Variants in IQSEC3 observed in about 807,000 individuals in gnomAD.
The protein encoded by IQSEC3 is IQ motif and Sec7 domain ArfGEF 3.
In IQSEC3, 50 loss-of-function variants were observed where a neutral mutation model predicts 105.4. That is an observed-to-expected ratio of 0.47 (90% confidence interval 0.38 to 0.60). The LOEUF (loss-of-function observed/expected upper bound fraction) is 0.60. IQSEC3 is among the 20% of genes least tolerant of loss of function. IQSEC3 has a pLI of 0.00. For synonymous variants in IQSEC3, 708 were observed against 746.0 expected, an observed-to-expected ratio of 0.95 and a Z score of 0.83; for missense variants, 1,415 against 1,630.0, an observed-to-expected ratio of 0.87 and a Z score of 2.27.
At chr12:104,232 AC>A (rs1864564023) in intron 2 of IQSEC3, among the ~76,000 whole-genome samples, 1 of 152,116 alleles carries the variant, frequency 6.6e-6, no homozygotes, top group African/African-American at 2.4e-5. Flanking sequence ...CCGAGGGACC[AC>A]TGCTAATTAT....
chr12:143,932 G>C (rs1866150510), intron 5 of IQSEC3: 1 of 154,720 alleles, frequency 6.5e-6, no homozygotes, highest in African/African-American at 2.4e-5. Context: ...GAGGTGAGAA[G>C]CAGGAGCATG....
chr12:166,729 C>T (rs1312840539), intron 11 of IQSEC3: 5 of 152,286 alleles, frequency 3.3e-5, no homozygotes, highest in Admixed American at 6.5e-5. Context: ...GTCCATTAGG[C>T]GCTAGGAAAG....
intron 13 of IQSEC3, among the ~76,000 whole-genome samples, 171 bp from the exon 14 acceptor site, chr12:174,428 G>C (rs940736584): frequency 3.2e-4 from 49 of 152,222 alleles, no homozygotes; most frequent in African/African-American, 1.1e-3. Flanking sequence ...CTCCCCCCTG[G>C]GCAAAAGCCA....
chr12:174,362 G>C (rs1032608736), intron 13 of IQSEC3, among the ~76,000 whole-genome samples: 1 of 152,104 alleles, frequency 6.6e-6, no homozygotes. Flanking sequence ...GACTGAGGCC[G>C]TACAGCGACA....
At chr12:165,953 CT>C (rs1591753026) in intron 11 of IQSEC3, 63 bp downstream of exon 11, 4 of 1,569,660 alleles carry the variant, frequency 2.5e-6, no homozygotes, top group Non-Finnish European at 3.5e-6. Flanking sequence ...ACAGGGGCAG[CT>C]TGAGACAGAC....
intron 3 of IQSEC3, among the ~76,000 whole-genome samples, chr12:131,154 G>A (rs1338618741): frequency 2.6e-5 from 4 of 151,936 alleles, no homozygotes; most frequent in Admixed American, 6.6e-5. Context: ...TGAAAGAAGG[G>A]GGCACGTTCT....
At chr12:139,600 A>C in intron 4 of IQSEC3, 1 of 415,636 alleles carries the variant, frequency 2.4e-6, no homozygotes, top group Admixed American at 4.0e-5. Context: ...CATCAGACAC[A>C]TGCTTTCACA....
At position 99,234 on chromosome 12, in the gene IQSEC3, C is replaced by T. The variant is rs1555075509; in HGVS notation, c.623+20C>T. The T allele has an allele frequency of 2.5e-6, 4 of 1,594,436 alleles. No individual in the cohort carries two copies. Among genetic ancestry groups the T allele is most frequent in the Non-Finnish European group, 2.5e-6 (3 of 1,177,398 alleles). The stretch of plus-strand genomic sequence containing the variant: ...CCAAAGGTGGGAACTGTGGCCCTTC[C>T]TCCCTTCCGCATCCCCACCTTCCTT... On this transcript the variant is annotated intron_variant, in intron 2 of 13. Coordinates refer to ENST00000538872, the MANE Select transcript of IQSEC3 (RefSeq NM_001170738.2).
At chr12:161,852 T>C (rs1233671948) in intron 7 of IQSEC3, 74 bp from the exon 8 acceptor site, 2 of 1,488,196 alleles carry the variant, frequency 1.3e-6, no homozygotes, top group East Asian at 4.9e-5. Flanking sequence ...TGGGGGTCTC[T>C]TCTGTCTGGC....
chr12:91,453 C>T (rs111949902), intron 1 of IQSEC3, among the ~76,000 whole-genome samples: 2 of 152,034 alleles, frequency 1.3e-5, no homozygotes, highest in Non-Finnish European at 2.9e-5. Context: ...CCTCTGGCAG[C>T]GCTACTCCCC....
At chr12:107,402 C>CTTTTTT (rs58053657) in intron 2 of IQSEC3, among the ~76,000 whole-genome samples, 125 of 75,978 alleles carry the variant, frequency 1.6e-3, no homozygotes, top group East Asian at 2.1e-3. Context: ...AGTCTGTTTT[C>CTTTTTT]TTTTTTTTTT....
rs1274414473 is a variant in IQSEC3 at position 119,198 on chromosome 12, C to T, written c.624-6435C>T. Among the ~76,000 whole-genome samples, 10 of 152,070 alleles carry T rather than the reference C, an allele frequency of 6.6e-5. No homozygotes were observed. In the East Asian group the frequency reaches 1.3e-3, roughly 21 times the overall value. ...CTCTCTTCCGTTTGCGTGAGGATTC[C>T]GTCAGTGCCAAGGATGAAGATGACC... On this transcript the variant is annotated intron_variant, in intron 2 of 13. Coordinates refer to ENST00000538872, the MANE Select transcript of IQSEC3 (RefSeq NM_001170738.2).
chr12:141,322 C>T, intron 5 of IQSEC3, 37 bp downstream of exon 5: 2 of 1,592,046 alleles, frequency 1.3e-6, no homozygotes, highest in Non-Finnish European at 1.7e-6. Flanking sequence ...CCCACTCCTT[C>T]CCACACCCCA....
At position 125,713 on chromosome 12, in the gene IQSEC3, G is replaced by C. The variant is rs1232078649; in HGVS notation, c.704G>C (p.Ser235Thr). 1 of 1,536,412 alleles carries C rather than the reference G, an allele frequency of 6.5e-7. No homozygotes were observed. Among genetic ancestry groups the C allele is most frequent in the Non-Finnish European group, 8.7e-7 (1 of 1,152,078 alleles). ...GCGGCGGTGGCAGCCGGCAGACCCA[G>C]TGCCCATGCCCCGAAGGCTCAAGCC... ...AAAAVAAGRP[S>T]AHAPKAQAQE... Residue 235 changes from serine to threonine, a missense_variant, in exon 3 of 14, where the codon AGT (serine) becomes ACT (threonine). Physicochemically the swap from Ser to Thr is moderately conservative, Grantham distance 58. This residue lies in a region of IQSEC3 where 720 missense variants were observed against 633.0 expected (regional missense o/e 1.14). Coordinates refer to ENST00000538872, the MANE Select transcript of IQSEC3 (RefSeq NM_001170738.2).
rs564969431 is a variant in IQSEC3 at position 174,498 on chromosome 12, G to A, written c.3115-101G>A. Reference sequence around the variant, plus strand: ...TGGCGAGAGGGTCAGAGTGAGGGCTGAGAGTGGGAGGGAGGCCAGGGGAGG... The same window carrying A: ...TGGCGAGAGGGTCAGAGTGAGGGCTAAGAGTGGGAGGGAGGCCAGGGGAGG... On this transcript the variant is annotated intron_variant, in intron 13 of 13. Coordinates refer to ENST00000538872, the MANE Select transcript of IQSEC3 (RefSeq NM_001170738.2). The A allele has an allele frequency of 8.3e-6, 9 of 1,089,720 alleles. No homozygotes were observed. The South Asian group carries it at 1.5e-4, about 19-fold the overall frequency. The allele number at this position is 1,089,720 out of a possible 1,614,324, so 67.5% of individuals were successfully genotyped here. A position where few individuals can be genotyped will look rare whatever the true frequency, so the allele number is the denominator to read the frequency against.
chr12:146,016 T>C (rs1555090896), intron 5 of IQSEC3, among the ~76,000 whole-genome samples: 1 of 152,228 alleles, frequency 6.6e-6, no homozygotes, highest in African/African-American at 2.4e-5. Flanking sequence ...CATCCTTTGT[T>C]AAATTCCAAG....
At chr12:125,414 C>T (rs541304916) in intron 2 of IQSEC3, among the ~76,000 whole-genome samples, 1 of 152,300 alleles carries the variant, frequency 6.6e-6, no homozygotes, top group African/African-American at 2.4e-5. Context: ...CCCCTTCCCT[C>T]TGTCTGAGCT....
At chr12:128,080 T>C (rs1322436566) in intron 3 of IQSEC3, among the ~76,000 whole-genome samples, 2 of 152,128 alleles carry the variant, frequency 1.3e-5, no homozygotes, top group African/African-American at 4.8e-5. Context: ...TCCGCTCCCC[T>C]CCACACCCCT....
chr12:106,439 C>T (rs1338559068), intron 2 of IQSEC3: 1 of 152,320 alleles, frequency 6.6e-6, no homozygotes, highest in Non-Finnish European at 1.5e-5. Context: ...CCTCTCTTCC[C>T]TGCCCCTCCG....
Sources: allele counts gnomAD v4.1 joint callset (sites outside exome capture counted in the v4.1 genomes callset), GRCh38; gene constraint gnomAD v4.1.1; regional missense constraint gnomAD v4.1.1; transcripts MANE v1.5; gene names NCBI Gene and HGNC (gene_info 2026-07-23, HGNC 2026-07-21).